The following DDX1 variants were observed in gnomAD, a reference collection of about 807,000 sequenced individuals.
The protein encoded by DDX1 is ATP-dependent RNA helicase DDX1.
Under a neutral mutation model 108.7 loss-of-function variants are expected in DDX1, and 28 were observed. The observed-to-expected ratio is 0.26, with a 90% CI of 0.19 to 0.35. DDX1 has a LOEUF of 0.35. Ranked by LOEUF, DDX1 falls within the 10% of genes least tolerant of loss-of-function variation. The pLI is 1.00. For synonymous variants in DDX1, 295 were observed against 288.9 expected, an observed-to-expected ratio of 1.02 and a Z score of -0.21; for missense variants, 710 against 884.5, an observed-to-expected ratio of 0.80 and a Z score of 2.50.
rs987003903 is a variant in DDX1, at chr2:15,626,909, G to C, written c.1595-145G>C. On this transcript the variant is annotated intron_variant, in intron 19 of 25. Coordinates refer to ENST00000233084, the MANE Select transcript of DDX1 (RefSeq NM_004939.3). ...TGGTACTTCGTTTGTGACATAAATT[G>C]TGTTAACCATGGTTTATAGCAAGTT... is the stretch of plus-strand genomic sequence containing the variant. 5 of 560,940 alleles carry C rather than the reference G, an allele frequency of 8.9e-6. No homozygotes were observed. The Admixed American group carries it at 1.1e-4, about 12-fold the overall frequency. The allele number at this position is 560,940 out of a possible 1,614,324, so 34.7% of individuals were successfully genotyped here.
intron 13 of DDX1, among the ~76,000 whole-genome samples, chr2:15,608,238 G>T (rs554799385): frequency 6.6e-6 from 1 of 152,120 alleles, no homozygotes; most frequent in Non-Finnish European, 1.5e-5. Flanking sequence ...ATTTGAAAGT[G>T]CACAATTCAG....
Position 15,595,559 on chromosome 2 carries a change from T to C in DDX1, c.132+6T>C, listed in dbSNP as rs537803379. The C allele has an allele frequency of 6.2e-7, 1 of 1,600,930 alleles. No individual in the cohort carries two copies. The highest frequency in any genetic ancestry group is 1.1e-5 in the South Asian group (1 of 90,730). ...GAGGAGGTGATGTACTTATGGTAAGTTTAAATTTGGTGAGGTGATTGGTAG... is the reference window on the plus strand; with the variant it reads ...GAGGAGGTGATGTACTTATGGTAAGCTTAAATTTGGTGAGGTGATTGGTAG... On this transcript the variant is annotated splice_donor_region_variant and intron_variant, in intron 3 of 25. Transcript: ENST00000233084.
At chr2:15,630,220 G>A (rs1024620192) in intron 25 of DDX1, 110 bp downstream of exon 25, 5 of 1,144,814 alleles carry the variant, frequency 4.4e-6, no homozygotes, top group Admixed American at 4.3e-5. Context: ...TATATTTTTA[G>A]CGTGTTAATC....
chr2:15,597,579 T>TG (rs1385829030), intron 5 of DDX1, 108 bp downstream of exon 5: 3 of 701,262 alleles, frequency 4.3e-6, no homozygotes, highest in African/African-American at 3.7e-5. Context: ...TGTCAGTATC[T>TG]GGGGGGTGGT....
intron 16 of DDX1, 131 bp downstream of exon 16, chr2:15,618,401 C>T: frequency 1.7e-6 from 1 of 587,102 alleles, no homozygotes. Context: ...CCGGGTTTTG[C>T]TCAGTTCCAC....
chr2:15,594,402 T>G (rs963712557), intron 1 of DDX1, among the ~76,000 whole-genome samples: 2 of 152,184 alleles, frequency 1.3e-5, no homozygotes, highest in Non-Finnish European at 2.9e-5. Context: ...TCCAACTAAC[T>G]ACTCCATATA....
chr2:15,621,158 G>T (rs1211128130), intron 18 of DDX1, 42 bp downstream of exon 18: 16 of 1,379,290 alleles, frequency 1.2e-5, no homozygotes, highest in Non-Finnish European at 1.6e-5. Flanking sequence ...TTTTGAAAAT[G>T]AAATTTATAC....
Position 15,631,013 on chromosome 2 carries a change from TTAA to T in DDX1, c.*109_*111del. 3 of 1,044,952 alleles carry T rather than the reference TTAA, an allele frequency of 2.9e-6. No homozygotes were observed. Among genetic ancestry groups the T allele is most frequent in the Non-Finnish European group, 4.0e-6 (3 of 742,176 alleles). 64.7% of individuals were successfully genotyped at this position (1,044,952 alleles called of 1,614,324 possible). On this transcript the variant is annotated 3_prime_UTR_variant, in exon 26 of 26. Coordinates refer to ENST00000233084, the MANE Select transcript of DDX1 (RefSeq NM_004939.3). ...GCAGTATTTATAGTAACGTAAGCTA[TTAA>T]TGCTAACTCTTGCATGTCAAGAAAC...
intron 13 of DDX1, among the ~76,000 whole-genome samples, chr2:15,608,041 C>T (rs1286421272): frequency 1.3e-5 from 2 of 152,142 alleles, no homozygotes; most frequent in Non-Finnish European, 2.9e-5. Flanking sequence ...AGTTATAAGA[C>T]TCTTTCCACC....
chr2:15,620,349 C>A lies in DDX1; in HGVS notation c.1348C>A (p.Pro450Thr), dbSNP rs1177959325. 2 of 1,613,724 alleles carry A rather than the reference C, an allele frequency of 1.2e-6. No individual in the cohort carries two copies. Among genetic ancestry groups the A allele is most frequent in the East Asian group, 4.5e-5 (2 of 44,858 alleles). The change falls in exon 17 of 26, where the codon CCC (proline) becomes ACC (threonine). Residue 450 changes from proline (P) to threonine (T), a missense_variant. By Grantham distance (38) the Pro-to-Thr change is conservative (BLOSUM62 -1). Transcript: ENST00000233084. ...TVHHVVVPVN[P>T]KTDRLWERLG... Reference sequence around the variant, plus strand: ...ACACCATGTTGTTGTCCCAGTAAATCCCAAAACTGACAGACTCTGGGAAAG... The same window carrying A: ...ACACCATGTTGTTGTCCCAGTAAATACCAAAACTGACAGACTCTGGGAAAG...
intron 13 of DDX1, 97 bp from the exon 14 acceptor site, chr2:15,613,127 C>G: frequency 1.2e-6 from 1 of 835,136 alleles, no homozygotes; most frequent in Non-Finnish European, 1.8e-6. Context: ...CTTTCTCAAC[C>G]TTAATTTCCA....
At chr2:15,597,347 A>C (rs748219077) in intron 4 of DDX1, 28 bp from the exon 5 acceptor site, 19 of 1,403,618 alleles carry the variant, frequency 1.4e-5, no homozygotes, top group Non-Finnish European at 1.9e-5. Context: ...GTGAATACTA[A>C]TATAGATACC....
intron 13 of DDX1, among the ~76,000 whole-genome samples, chr2:15,607,638 G>C (rs1029390487): frequency 6.6e-6 from 1 of 152,068 alleles, no homozygotes; most frequent in Non-Finnish European, 1.5e-5. Flanking sequence ...CCAGGCTGGA[G>C]TGTAGTGATA....
At chr2:15,602,743 G>A (rs746700175) in intron 7 of DDX1, 112 bp downstream of exon 7, 4 of 766,190 alleles carry the variant, frequency 5.2e-6, no homozygotes, top group Middle Eastern at 2.8e-4. Flanking sequence ...CACGTCGCCC[G>A]GGCTGGAGGG....
Position 15,630,822 on chromosome 2 carries a change from A to C in DDX1, c.2139A>C (p.Gln713His). 1.2e-6 allele frequency: 2 copies of C among 1,614,100 alleles called. No individual in the cohort carries two copies. The highest frequency in any genetic ancestry group is 1.7e-6 in the Non-Finnish European group (2 of 1,179,954). Residue 713 changes from glutamine (Q) to histidine (H), a missense_variant, in exon 26 of 26, where the codon CAA becomes CAC. By Grantham distance (24) the Gln-to-His change is conservative (BLOSUM62 0). Transcript: ENST00000233084. Reference protein sequence around the residue: ...GHVDILAPTVQELAALEKEAQ... With the variant: ...GHVDILAPTVHELAALEKEAQ... ...TGGATATTTTGGCACCTACTGTTCA[A>C]GAGTTGGCTGCCCTTGAAAAGGAGG...
chr2:15,629,489 T>A (rs1666157264), intron 23 of DDX1, 113 bp from the exon 24 acceptor site: 2 of 687,080 alleles, frequency 2.9e-6, no homozygotes, highest in Admixed American at 7.0e-5. Flanking sequence ...ATACCTATAA[T>A]CTATTTTTCT....
At chr2:15,594,594 C>T (rs939450109) in intron 1 of DDX1, among the ~76,000 whole-genome samples, 2 of 152,236 alleles carry the variant, frequency 1.3e-5, no homozygotes, top group African/African-American at 4.8e-5. Context: ...ACTGACCCCT[C>T]CCTCTTCAGT....
In DDX1 at chr2:15,631,021, A is replaced by T; in HGVS notation, c.*115A>T. ...TATAGTAACGTAAGCTATTAATGCT[A>T]ACTCTTGCATGTCAAGAAACATTAG... On this transcript the variant is annotated 3_prime_UTR_variant, in exon 26 of 26. Coordinates refer to ENST00000233084, the MANE Select transcript of DDX1 (RefSeq NM_004939.3). The T allele has an allele frequency of 1.1e-6, 1 of 920,042 alleles. No individual in the cohort carries two copies. The highest frequency in any genetic ancestry group is 1.7e-5 in the African/African-American group (1 of 60,486). 57.0% of individuals were successfully genotyped at this position (920,042 alleles called of 1,614,324 possible). A position where few individuals can be genotyped will look rare whatever the true frequency, so the allele number is the denominator to read the frequency against.
At chr2:15,608,652 T>G (rs1358533993) in intron 13 of DDX1, among the ~76,000 whole-genome samples, 8 of 88,052 alleles carry the variant, frequency 9.1e-5, no homozygotes, top group South Asian at 7.9e-4. Flanking sequence ...AAAGCCTGTG[T>G]TTTTTTTTAG....
Sources: gnomAD v4.1 joint callset for allele counts (sites outside exome capture counted in the v4.1 genomes callset) on GRCh38, gnomAD v4.1.1 for gene constraint, MANE v1.5 for transcripts, NCBI Gene and HGNC (gene_info 2026-07-23, HGNC 2026-07-21) for gene names.